Variants in MUC12 observed in about 807,000 individuals in gnomAD.
The protein encoded by MUC12 is mucin-12.
Under a neutral mutation model 230.8 loss-of-function variants are expected in MUC12, and 172 were observed. The observed-to-expected ratio is 0.75, with a 90% CI of 0.66 to 0.85. The LOEUF (loss-of-function observed/expected upper bound fraction) is 0.85. MUC12 is among the 40% of genes least tolerant of loss of function. The pLI is 0.00. For missense variants in MUC12, 3,506 were observed against 5,920.6 expected (o/e 0.59, Z 13.38); for synonymous variants, 1,259 against 2,401.9 (o/e 0.52, Z 13.91).
At chr7:100,988,673 C>T (rs1421202612) in intron 1 of MUC12, among the ~76,000 whole-genome samples, 1 of 152,116 alleles carries the variant, frequency 6.6e-6, no homozygotes, top group Non-Finnish European at 1.5e-5. Context: ...TTGGTGGCAG[C>T]TGCAGGGTTA....
intron 3 of MUC12, among the ~76,000 whole-genome samples, chr7:101,006,810 T>C (rs554415909): frequency 6.6e-5 from 10 of 152,136 alleles, no homozygotes; most frequent in Non-Finnish European, 1.2e-4. Context: ...GGGTACATAG[T>C]AGATGTATAT....
chr7:101,007,036 G>T (rs1197123794), intron 3 of MUC12, among the ~76,000 whole-genome samples: 3 of 152,144 alleles, frequency 2.0e-5, no homozygotes, highest in African/African-American at 7.2e-5. Flanking sequence ...TTGGCTCACT[G>T]CAACCTCCAC....
rs897478648 is a variant in MUC12, at chr7:100,991,812, G to A, written c.1249G>A (p.Gly417Ser). The A allele has an allele frequency of 1.1e-5, 17 of 1,537,738 alleles. No individual in the cohort carries two copies. The highest frequency in any genetic ancestry group is 2.7e-5 in the African/African-American group (2 of 73,006). ...ACATACAAGCTACCACAGCAGCCTG[G>A]GCTCAACTGAAACAACACACTTCCG... ...LAHTSYHSSL[G>S]STETTHFRDS... The change falls in exon 2 of 12, where the codon GGC becomes AGC. Residue 417 changes from glycine (G) to serine (S), a missense_variant. By Grantham distance (56) the Gly-to-Ser change is moderately conservative. Coordinates refer to ENST00000536621, the MANE Select transcript of MUC12 (RefSeq NM_001164462.2).
In MUC12 at chr7:100,991,594, C is replaced by G; in HGVS notation, c.1031C>G (p.Pro344Arg). ...AGCCCAGTTGCAACTGCAACAACAC[C>G]CCCACCTGCCCGCTCCGCGACCTCA... ...HSSPVATATT[P>R]PPARSATSGH... Residue 344 changes from proline to arginine, a missense_variant, in exon 2 of 12, where the codon CCC (proline) becomes CGC (arginine). Physicochemically the swap from Pro to Arg is moderately radical, Grantham distance 103 (BLOSUM62 -2). Transcript: ENST00000536621. 6.5e-7 allele frequency: 1 copy of G among 1,536,272 alleles called. No homozygotes were observed. Among genetic ancestry groups the G allele is most frequent in the Non-Finnish European group, 8.7e-7 (1 of 1,146,228 alleles).
chr7:100,988,289 GAAAAAAA>G (rs1167163725), intron 1 of MUC12, among the ~76,000 whole-genome samples: 16 of 78,738 alleles, frequency 2.0e-4, no homozygotes, highest in South Asian at 1.4e-3. Context: ...GGCTGTCCCA[GAAAAAAA>G]AAAAAAAAAA....
chr7:101,017,387 C>CA, intron 10 of MUC12, 188 bp from the exon 11 acceptor site: 1 of 553,622 alleles, frequency 1.8e-6, no homozygotes, highest in East Asian at 3.0e-5. Context: ...GTCCAGCGGG[C>CA]GGCTCCCCAG....
chr7:101,009,570 T>G (rs1304904695), intron 5 of MUC12, among the ~76,000 whole-genome samples: 1 of 152,216 alleles, frequency 6.6e-6, no homozygotes, highest in Non-Finnish European at 1.5e-5. Flanking sequence ...TGGTGGTTCA[T>G]GCATGTAATC....
chr7:100,990,931 C>A lies in MUC12; in HGVS notation c.368C>A (p.Ala123Glu), dbSNP rs180939983. The A allele has an allele frequency of 2.6e-6, 4 of 1,537,898 alleles. No homozygotes were observed. In the Admixed American group the frequency reaches 5.9e-5, roughly 23 times the overall value. The part of the protein sequence containing the change: ...PITSASMETT[A>E]LPGSTTTAGL... ...ACTTCAGCCTCAATGGAAACAACAG[C>A]GTTACCTGGCAGTACCACAACAGCA... Residue 123 changes from alanine (A) to glutamate (E), a missense_variant, in exon 2 of 12, where the codon GCG (alanine) becomes GAG (glutamate). Physicochemically the swap from Ala to Glu is moderately radical, Grantham distance 107 (BLOSUM62 -1). Coordinates refer to ENST00000536621, the MANE Select transcript of MUC12 (RefSeq NM_001164462.2).
In MUC12 at chr7:100,992,457, A is replaced by G. The variant is rs1464768587; in HGVS notation, c.1894A>G (p.Thr632Ala). 1.3e-6 allele frequency: 2 copies of G among 1,537,760 alleles called. No homozygotes were observed. Among genetic ancestry groups the G allele is most frequent in the Non-Finnish European group, 1.7e-6 (2 of 1,147,018 alleles). ...AGSTTRQGES[T>A]TFHSWPSSKD... is the part of the protein sequence containing the mutation. Reference sequence around the variant, plus strand: ...CTCTACAACCCGTCAGGGAGAATCTACCACATTCCATAGCTGGCCAAGCTC... The same window carrying G: ...CTCTACAACCCGTCAGGGAGAATCTGCCACATTCCATAGCTGGCCAAGCTC... The change falls in exon 2 of 12, where the codon ACC becomes GCC. Residue 632 changes from threonine to alanine, a missense_variant. Transcript: ENST00000536621.
Position 100,991,834 on chromosome 7 carries a change from T to A in MUC12, c.1271T>A (p.Phe424Tyr). 1 of 1,537,564 alleles carries A rather than the reference T, an allele frequency of 6.5e-7. No homozygotes were observed. The stretch of plus-strand genomic sequence containing the variant: ...CTGGGCTCAACTGAAACAACACACT[T>A]CCGTGATAGCTCCACAATCTCAGGC... Reference protein sequence around the residue: ...SSLGSTETTHFRDSSTISGRS... With the variant: ...SSLGSTETTHYRDSSTISGRS... The change falls in exon 2 of 12, where the codon TTC becomes TAC. Residue 424 changes from phenylalanine (F) to tyrosine (Y), a missense_variant. Transcript: ENST00000536621.
intron 5 of MUC12, among the ~76,000 whole-genome samples, chr7:101,010,822 G>C (rs1351300507): frequency 6.6e-6 from 1 of 152,094 alleles, no homozygotes; most frequent in South Asian, 2.1e-4. Context: ...CCTAATTTTT[G>C]TAATTTTTGC....
chr7:100,989,611 C>G (rs1227256502), intron 1 of MUC12, among the ~76,000 whole-genome samples: 2 of 151,990 alleles, frequency 1.3e-5, no homozygotes, highest in African/African-American at 4.8e-5. Context: ...AAAGAGCAGG[C>G]AATACTGGAC....
At chr7:100,985,390 C>T (rs1239345513) in intron 1 of MUC12, among the ~76,000 whole-genome samples, 1 of 152,120 alleles carries the variant, frequency 6.6e-6, no homozygotes, top group Non-Finnish European at 1.5e-5. Context: ...ATTTTAGGAG[C>T]AGTTTAGGGA....
chr7:100,989,096 CTTCTTTTTTTTTT>C (rs1053935722), intron 1 of MUC12, among the ~76,000 whole-genome samples: 49 of 135,026 alleles, frequency 3.6e-4, no homozygotes, highest in Non-Finnish European at 5.7e-4. Flanking sequence ...TCTTCCTCTT[CTTCTTTTTTTTTT>C]TTTTTTTTTG....
In MUC12 at chr7:101,013,761, G is replaced by A. The variant is rs1411144651; in HGVS notation, c.15639-152G>A. ...ACTCCCTCAGTGCCCATCAGCCTGA[G>A]GAAGTCAGGGACCCAGGCTCTCTGG... On this transcript the variant is annotated intron_variant, in intron 8 of 11. Transcript: ENST00000536621. Among the ~76,000 whole-genome samples the A allele has an allele frequency of 2.0e-5, 3 of 152,324 alleles. No individual in the cohort carries two copies. The East Asian group carries it at 5.8e-4, about 29-fold the overall frequency.
chr7:100,973,440 A>G (rs1792954142), intron 1 of MUC12, among the ~76,000 whole-genome samples: 1 of 21,148 alleles, frequency 4.7e-5, no homozygotes, highest in South Asian at 1.3e-3. Flanking sequence ...AGCCCCTACT[A>G]CAGGCTGAGG....
intron 3 of MUC12, among the ~76,000 whole-genome samples, chr7:101,007,666 G>A (rs543848716): frequency 1.3e-5 from 2 of 152,270 alleles, no homozygotes; most frequent in South Asian, 4.1e-4. Context: ...TGGACACTTG[G>A]GTTGCTTCCA....
chr7:100,983,444 T>C (rs1793140824), intron 1 of MUC12, among the ~76,000 whole-genome samples: 1 of 151,058 alleles, frequency 6.6e-6, no homozygotes, highest in Non-Finnish European at 1.5e-5. Context: ...GAAATAGCCA[T>C]GTCCACCTTG....
chr7:100,990,689 A>G lies in MUC12; in HGVS notation c.126A>G (p.Ser42=), dbSNP rs1386436836. The change falls in exon 2 of 12, where the codon TCA becomes TCG. Residue 42 remains serine (S), a synonymous_variant. Coordinates refer to ENST00000536621, the MANE Select transcript of MUC12 (RefSeq NM_001164462.2). ...CAACTTCTGCATCCACACCCAGTTC[A>G]AGCGACCCTTTTACCACCTTTAGTG... is the stretch of plus-strand genomic sequence containing the variant. The part of the protein sequence containing the change: ...GNTTSASTPS[S]SDPFTTFSDY... 8 of 1,537,740 alleles carry G rather than the reference A, an allele frequency of 5.2e-6. No homozygotes were observed. Among genetic ancestry groups the G allele is most frequent in the Non-Finnish European group, 6.1e-6 (7 of 1,147,036 alleles).
Sources: allele counts gnomAD v4.1 joint callset (sites outside exome capture counted in the v4.1 genomes callset), GRCh38; gene constraint gnomAD v4.1.1; transcripts MANE v1.5; gene names NCBI Gene and HGNC (gene_info 2026-07-23, HGNC 2026-07-21).